The following ZNF804B variants were observed in gnomAD, a reference collection of about 807,000 sequenced individuals.
The protein encoded by ZNF804B is zinc finger protein 804B.
Under a neutral mutation model 101.4 loss-of-function variants are expected in ZNF804B, and 80 were observed. The observed-to-expected ratio is 0.79, with a 90% CI of 0.66 to 0.95. The LOEUF is 0.95. Ranked by LOEUF, ZNF804B falls within the 40% of genes least tolerant of loss-of-function variation. ZNF804B has a pLI of 0.00. For missense variants in ZNF804B, 1,673 were observed against 1,561.9 expected, an observed-to-expected ratio of 1.07 and a Z score of -1.20; for synonymous variants, 622 against 558.8, an observed-to-expected ratio of 1.11 and a Z score of -1.59.
intron 1 of ZNF804B, among the ~76,000 whole-genome samples, chr7:88,819,944 C>G (rs745973295): frequency 6.6e-6 from 1 of 152,110 alleles, no homozygotes; most frequent in Non-Finnish European, 1.5e-5. Flanking sequence ...TCCTGTGAAG[C>G]TTCTTAAGGG....
At chr7:89,243,176 T>C (rs1789394586) in intron 2 of ZNF804B, among the ~76,000 whole-genome samples, 1 of 151,790 alleles carries the variant, frequency 6.6e-6, no homozygotes, top group Non-Finnish European at 1.5e-5. Context: ...TTACTCTTGA[T>C]ACTGCAAAAA....
At chr7:89,065,480 C>G (rs547004895) in intron 1 of ZNF804B, among the ~76,000 whole-genome samples, 1 of 152,178 alleles carries the variant, frequency 6.6e-6, no homozygotes, top group South Asian at 2.1e-4. Flanking sequence ...GGCTTCAGAA[C>G]CCCTCACCAG....
Position 89,334,724 on chromosome 7 carries a change from C to G in ZNF804B, c.1742C>G (p.Pro581Arg). ...NDLEMKNPKV[P>R]LYLNTSLKDC... Reference sequence around the variant, plus strand: ...TTGGAAATGAAAAATCCTAAAGTGCCTCTTTACCTCAACACATCTCTAAAG... The same window carrying G: ...TTGGAAATGAAAAATCCTAAAGTGCGTCTTTACCTCAACACATCTCTAAAG... The change falls in exon 4 of 4, where the codon CCT becomes CGT. Residue 581 changes from proline to arginine, a missense_variant. Pro to Arg is a moderately radical substitution (Grantham distance 103). Coordinates refer to ENST00000333190, the MANE Select transcript of ZNF804B (RefSeq NM_181646.5). 1 of 1,613,724 alleles carries G rather than the reference C, an allele frequency of 6.2e-7. No individual in the cohort carries two copies. The highest frequency in any genetic ancestry group is 8.5e-7 in the Non-Finnish European group (1 of 1,179,838).
intron 1 of ZNF804B, among the ~76,000 whole-genome samples, chr7:88,842,546 C>G (rs948076563): frequency 1.3e-5 from 2 of 152,180 alleles, no homozygotes; most frequent in African/African-American, 2.4e-5. Flanking sequence ...AATGGCAGCA[C>G]TAGAGCTACA....
intron 1 of ZNF804B, among the ~76,000 whole-genome samples, chr7:88,815,892 T>C (rs547146804): frequency 1.3e-5 from 2 of 152,208 alleles, no homozygotes; most frequent in Admixed American, 6.5e-5. Context: ...TCTTTACCTT[T>C]GTCAAGCTCC....
At chr7:89,055,490 T>A (rs567336110) in intron 1 of ZNF804B, among the ~76,000 whole-genome samples, 34 of 152,052 alleles carry the variant, frequency 2.2e-4, no homozygotes, top group Non-Finnish European at 2.5e-4. Flanking sequence ...TTTGTGGGCC[T>A]AGCGCAAGAG....
intron 2 of ZNF804B, among the ~76,000 whole-genome samples, chr7:89,284,110 A>G (rs1044531767): frequency 1.6e-4 from 25 of 152,188 alleles, no homozygotes; most frequent in African/African-American, 5.8e-4. Context: ...GTAAACAAAC[A>G]CAAAGATGCA....
intron 2 of ZNF804B, among the ~76,000 whole-genome samples, chr7:89,252,465 A>G (rs1272292527): frequency 1.3e-4 from 20 of 152,168 alleles, no homozygotes; most frequent in Admixed American, 1.3e-3. Flanking sequence ...TACAGTGGAA[A>G]GAAGTTTGGA....
chr7:88,898,240 C>G (rs926465408), intron 1 of ZNF804B, among the ~76,000 whole-genome samples: 1 of 151,722 alleles, frequency 6.6e-6, no homozygotes, highest in Non-Finnish European at 1.5e-5. Flanking sequence ...GCGCCCGCCA[C>G]CACGCCCAGC....
intron 1 of ZNF804B, among the ~76,000 whole-genome samples, chr7:88,905,360 T>C (rs547974516): frequency 6.6e-6 from 1 of 152,010 alleles, no homozygotes; most frequent in East Asian, 1.9e-4. Context: ...TAGTTTTTTG[T>C]TTTTTGTTTT....
At chr7:88,827,850 AT>A (rs1471044592) in intron 1 of ZNF804B, among the ~76,000 whole-genome samples, 1 of 152,018 alleles carries the variant, frequency 6.6e-6, no homozygotes, top group Non-Finnish European at 1.5e-5. Context: ...AGTCTTGTTG[AT>A]TTTACCTGCT....
At chr7:89,280,775 T>C (rs1247576636) in intron 2 of ZNF804B, among the ~76,000 whole-genome samples, 1 of 152,096 alleles carries the variant, frequency 6.6e-6, no homozygotes, top group African/African-American at 2.4e-5. Context: ...GGCTTACCAA[T>C]CAAAAAGAGT....
intron 2 of ZNF804B, among the ~76,000 whole-genome samples, chr7:89,225,699 C>G (rs1205108359): frequency 7.2e-5 from 11 of 151,974 alleles, no homozygotes; most frequent in Admixed American, 7.2e-4. Flanking sequence ...GATTATTGAA[C>G]AAAAGGTGTC....
At chr7:89,139,647 T>TA (rs993596186) in intron 1 of ZNF804B, among the ~76,000 whole-genome samples, 3 of 151,990 alleles carry the variant, frequency 2.0e-5, no homozygotes, top group African/African-American at 7.2e-5. Flanking sequence ...TGCTCATCCA[T>TA]AAAAAAACAC....
At chr7:89,277,113 A>T (rs1013114494) in intron 2 of ZNF804B, among the ~76,000 whole-genome samples, 4 of 148,396 alleles carry the variant, frequency 2.7e-5, no homozygotes, top group Non-Finnish European at 5.9e-5. Context: ...TTTATTATAT[A>T]TAAATATATA....
At chr7:88,907,525 A>C (rs941778000) in intron 1 of ZNF804B, among the ~76,000 whole-genome samples, 1 of 152,034 alleles carries the variant, frequency 6.6e-6, no homozygotes, top group Non-Finnish European at 1.5e-5. Context: ...ACTAATTTAA[A>C]TCTAATTTAA....
chr7:88,874,856 AT>A (rs1562819581), intron 1 of ZNF804B, among the ~76,000 whole-genome samples: 3 of 149,352 alleles, frequency 2.0e-5, no homozygotes, highest in Admixed American at 6.7e-5. Context: ...CAGAATATAC[AT>A]TTTTTTCAGC....
At chr7:89,081,331 G>A (rs1198687684) in intron 1 of ZNF804B, among the ~76,000 whole-genome samples, 1 of 151,810 alleles carries the variant, frequency 6.6e-6, no homozygotes, top group Admixed American at 6.6e-5. Flanking sequence ...AATAACTCTG[G>A]ATCTCTCCAA....
intron 1 of ZNF804B, among the ~76,000 whole-genome samples, chr7:89,205,534 A>G (rs192811750): frequency 1.1e-3 from 169 of 152,320 alleles, no homozygotes; most frequent in African/African-American, 3.8e-3. Context: ...AAGGGGGTTT[A>G]GGCCCCATGC....
Sources: gnomAD v4.1 joint callset for allele counts (sites outside exome capture counted in the v4.1 genomes callset) on GRCh38, gnomAD v4.1.1 for gene constraint, MANE v1.5 for transcripts, NCBI Gene and HGNC (gene_info 2026-07-23, HGNC 2026-07-21) for gene names.